The following ADAM19 variants were observed in gnomAD, a reference collection of about 807,000 sequenced individuals.
ADAM19 encodes the protein disintegrin and metalloproteinase domain-containing protein 19.
Under a neutral mutation model 114.7 loss-of-function variants are expected in ADAM19, and 65 were observed. The observed-to-expected ratio is 0.57, with a 90% confidence interval of 0.46 to 0.70. The LOEUF is 0.70. Among genes scored for constraint, ADAM19 ranks in the 30% least tolerant of loss-of-function variants. The probability of loss-of-function intolerance (pLI) is 0.00; values close to 1 mark genes in which losing one functional copy is unlikely to be tolerated. For missense variants in ADAM19, 1,063 were observed against 1,204.7 expected (o/e 0.88, Z 1.74); for synonymous variants, 466 against 460.5 (o/e 1.01, Z -0.15).
chr5:157,524,742 T>C (rs1404674268), intron 5 of ADAM19, among the ~76,000 whole-genome samples: 1 of 152,228 alleles, frequency 6.6e-6, no homozygotes, highest in Non-Finnish European at 1.5e-5. Flanking sequence ...ATTCAAACTC[T>C]GGCTGTGCTG....
chr5:157,513,649 C>T, intron 7 of ADAM19, 144 bp from the exon 8 acceptor site: 2 of 710,764 alleles, frequency 2.8e-6, no homozygotes, highest in Admixed American at 2.3e-5. Context: ...TTCCCCACCA[C>T]AGTAAGAGCT....
intron 7 of ADAM19, among the ~76,000 whole-genome samples, chr5:157,515,119 T>C (rs997356363): frequency 2.0e-5 from 3 of 152,180 alleles, no homozygotes; most frequent in Non-Finnish European, 4.4e-5. Flanking sequence ...TCCTTAAAAC[T>C]GCCACTCACC....
At chr5:157,509,265 C>T (rs1414578422) in intron 9 of ADAM19, 36 bp downstream of exon 9, 2 of 1,566,152 alleles carry the variant, frequency 1.3e-6, no homozygotes, top group Non-Finnish European at 1.7e-6. Flanking sequence ...GCTTTGCAGC[C>T]AAGGACAACA....
intron 11 of ADAM19, among the ~76,000 whole-genome samples, chr5:157,504,408 G>A (rs1471556266): frequency 2.6e-5 from 4 of 151,974 alleles, no homozygotes; most frequent in African/African-American, 4.8e-5. Flanking sequence ...GCACCACCAC[G>A]CCCAGCTAAT....
intron 3 of ADAM19, among the ~76,000 whole-genome samples, chr5:157,543,770 A>G (rs140201322): frequency 6.6e-6 from 1 of 152,116 alleles, no homozygotes; most frequent in Admixed American, 6.5e-5. Flanking sequence ...ACTCAGCCTC[A>G]GTTTCCCTTT....
chr5:157,497,108 G>C lies in ADAM19; in HGVS notation c.1399-19C>G. 4 of 1,489,766 alleles carry C rather than the reference G, an allele frequency of 2.7e-6. No homozygotes were observed. Among genetic ancestry groups the C allele is most frequent in the Non-Finnish European group, 3.6e-6 (4 of 1,126,272 alleles). 92.3% of individuals were successfully genotyped at this position (1,489,766 alleles called of 1,614,324 possible). On this transcript the variant is annotated intron_variant, in intron 13 of 22. Coordinates refer to ENST00000257527, the MANE Select transcript of ADAM19 (RefSeq NM_033274.5). ...CCAACAGCTGAGCCAAGGAATGAGA[G>C]GAAAACACAGTCAATCTCCTCCCCA...
intron 3 of ADAM19, among the ~76,000 whole-genome samples, chr5:157,544,478 G>A (rs1475961629): frequency 6.6e-6 from 1 of 152,230 alleles, no homozygotes; most frequent in African/African-American, 2.4e-5. Context: ...ATGTTTGGAT[G>A]AGCACCACTG....
Position 157,480,931 on chromosome 5 carries a change from G to A in ADAM19, c.*18C>T. 6.2e-7 allele frequency: 1 copy of A among 1,614,142 alleles called. No individual in the cohort carries two copies. Among genetic ancestry groups the A allele is most frequent in the Non-Finnish European group, 8.5e-7 (1 of 1,180,016 alleles). Reference sequence around the variant, plus strand: ...TGTCCAGAGAGCTCAAGGAAAGGGAGAAGCCCCTTGGACAGGTCTAGATTT... The same window carrying A: ...TGTCCAGAGAGCTCAAGGAAAGGGAAAAGCCCCTTGGACAGGTCTAGATTT... On this transcript the variant is annotated 3_prime_UTR_variant, in exon 23 of 23. Transcript: ENST00000257527.
chr5:157,509,498 G>T (rs1177057472), intron 8 of ADAM19, 31 bp from the exon 9 acceptor site: 2 of 1,492,054 alleles, frequency 1.3e-6, no homozygotes, highest in East Asian at 4.9e-5. Context: ...CACAGTATCT[G>T]TCAATACCAC....
intron 2 of ADAM19, chr5:157,568,003 TCTCG>T (rs1757715517): frequency 6.7e-6 from 1 of 149,336 alleles, no homozygotes; most frequent in Admixed American, 6.7e-5. Context: ...TTAAACAGAG[TCTCG>T]CTCTGTCACC....
At chr5:157,547,648 A>G (rs574862214) in intron 3 of ADAM19, among the ~76,000 whole-genome samples, 1 of 152,308 alleles carries the variant, frequency 6.6e-6, no homozygotes. Context: ...CTGTTTTGCC[A>G]ATGCAAAATG....
rs912915516 is a variant in ADAM19, at chr5:157,479,551, C to G, written c.*1398G>C. 1 of 985,924 alleles carries G rather than the reference C, an allele frequency of 1.0e-6. No homozygotes were observed. Among genetic ancestry groups the G allele is most frequent in the South Asian group, 4.7e-5 (1 of 21,284 alleles). 61.1% of individuals were successfully genotyped at this position (985,924 alleles called of 1,614,324 possible). ...CCGTCCTATCTAGCAAAGCACCACA[C>G]GGCCCTCCTTCCCTGCTGCAGGGAA... On this transcript the variant is annotated 3_prime_UTR_variant, in exon 23 of 23. Transcript: ENST00000257527.
chr5:157,493,794 C>T (rs1051728829), intron 15 of ADAM19, among the ~76,000 whole-genome samples: 2 of 152,194 alleles, frequency 1.3e-5, no homozygotes, highest in African/African-American at 4.8e-5. Flanking sequence ...AGGCTAATTT[C>T]TCAGCAGACC....
At chr5:157,491,526 C>G in intron 18 of ADAM19, 89 bp downstream of exon 18, 1 of 913,038 alleles carries the variant, frequency 1.1e-6, no homozygotes, top group Admixed American at 3.0e-5. Context: ...GAAGCTGATT[C>G]AATGTGGATG....
chr5:157,574,552 TC>T (rs1757919911), intron 1 of ADAM19, among the ~76,000 whole-genome samples: 1 of 152,070 alleles, frequency 6.6e-6, no homozygotes, highest in African/African-American at 2.4e-5. Flanking sequence ...CAGCCCACCC[TC>T]GCTCCGCCGG....
intron 8 of ADAM19, among the ~76,000 whole-genome samples, chr5:157,509,696 A>G (rs1175532278): frequency 6.6e-6 from 1 of 152,218 alleles, no homozygotes; most frequent in Non-Finnish European, 1.5e-5. Context: ...TGTTACTGAC[A>G]TTTTTTAGAA....
chr5:157,482,358 G>C (rs769937944), intron 21 of ADAM19, among the ~76,000 whole-genome samples: 18 of 152,174 alleles, frequency 1.2e-4, no homozygotes, highest in Non-Finnish European at 2.5e-4. Flanking sequence ...TAGGTTGCCT[G>C]TTCACTCTGA....
At chr5:157,483,910 C>T (rs556926383) in intron 21 of ADAM19, among the ~76,000 whole-genome samples, 1 of 151,114 alleles carries the variant, frequency 6.6e-6, no homozygotes, top group African/African-American at 2.4e-5. Flanking sequence ...TGGGATTACA[C>T]GTGTGAGCCA....
chr5:157,523,452 G>C (rs1188768916), intron 5 of ADAM19, among the ~76,000 whole-genome samples: 1 of 152,126 alleles, frequency 6.6e-6, no homozygotes, highest in Admixed American at 6.5e-5. Flanking sequence ...GGTGCATCCT[G>C]GTGGTAATGA....
Sources: allele counts gnomAD v4.1 joint callset (sites outside exome capture counted in the v4.1 genomes callset), GRCh38; gene constraint gnomAD v4.1.1; transcripts MANE v1.5; gene names NCBI Gene and HGNC (gene_info 2026-07-23, HGNC 2026-07-21).